CDK8: variants seen among roughly 807,000 people sequenced by gnomAD.
CDK8 encodes cyclin-dependent kinase 8.
CDK8 carries 29 observed loss-of-function variants against 71.5 expected under a neutral mutation model. The ratio of observed to expected loss-of-function variants is 0.41; its 90% CI spans 0.30 to 0.55. The LOEUF is 0.55. Ranked by LOEUF, CDK8 falls within the 20% of genes least tolerant of loss-of-function variation. The probability of loss-of-function intolerance (pLI) is 0.37; values close to 1 mark genes in which losing one functional copy is unlikely to be tolerated. For synonymous variants in CDK8, 161 were observed against 192.1 expected (o/e 0.84, Z 1.34); for missense variants, 288 against 572.6 (o/e 0.50, Z 5.07).
At chr13:26,340,756 C>G (rs1873206150) in intron 2 of CDK8, among the ~76,000 whole-genome samples, 3 of 152,106 alleles carry the variant, frequency 2.0e-5, no homozygotes, top group Non-Finnish European at 4.4e-5. Flanking sequence ...TGCCTGGTTA[C>G]TTACTTTGTT....
At chr13:26,315,816 G>C (rs1874483604) in intron 1 of CDK8, among the ~76,000 whole-genome samples, 1 of 152,172 alleles carries the variant, frequency 6.6e-6, no homozygotes, top group Admixed American at 6.5e-5. Flanking sequence ...GGACAATCAG[G>C]ATTCTGGGAA....
At chr13:26,361,784 CTTTTTTTTTTTTTT>C (rs553508554) in intron 4 of CDK8, among the ~76,000 whole-genome samples, 5 of 63,304 alleles carry the variant, frequency 7.9e-5, no homozygotes, top group Non-Finnish European at 1.1e-4. Context: ...TTTCTTTTCC[CTTTTTTTTTTTTTT>C]TTTTTTTTTT....
At chr13:26,346,014 A>C (rs1367176724) in intron 2 of CDK8, among the ~76,000 whole-genome samples, 1 of 152,196 alleles carries the variant, frequency 6.6e-6, no homozygotes, top group Non-Finnish European at 1.5e-5. Flanking sequence ...TCCAGACATA[A>C]TCCATTCCTC....
chr13:26,320,219 G>A (rs1435068090), intron 1 of CDK8, among the ~76,000 whole-genome samples: 2 of 151,682 alleles, frequency 1.3e-5, no homozygotes, highest in Admixed American at 1.3e-4. Context: ...GGGCAAAATG[G>A]CGAGACCTTG....
chr13:26,375,925 G>A (rs1874924693), intron 4 of CDK8, among the ~76,000 whole-genome samples: 1 of 152,154 alleles, frequency 6.6e-6, no homozygotes, highest in African/African-American at 2.4e-5. Context: ...GGGGATGGGC[G>A]AGGAGCATAA....
At chr13:26,276,625 A>G (rs1872573299) in intron 1 of CDK8, among the ~76,000 whole-genome samples, 1 of 152,132 alleles carries the variant, frequency 6.6e-6, no homozygotes, top group Non-Finnish European at 1.5e-5. Flanking sequence ...GTGCCCAATT[A>G]TCCTGATTTA....
At chr13:26,354,784 G>A (rs142225289) in intron 4 of CDK8, among the ~76,000 whole-genome samples, 47 of 152,240 alleles carry the variant, frequency 3.1e-4, no homozygotes, top group Non-Finnish European at 8.8e-5. Context: ...ACTGGTCCCT[G>A]ATGCCAAAAA....
chr13:26,303,578 T>C (rs1873912879), intron 1 of CDK8, among the ~76,000 whole-genome samples: 1 of 152,194 alleles, frequency 6.6e-6, no homozygotes, highest in African/African-American at 2.4e-5. Context: ...ATACATTTCT[T>C]AATTTCCCTT....
rs191263591 is a variant in CDK8 at position 26,322,767 on chromosome 13, A to G, written c.129-14800A>G. On this transcript the variant is annotated intron_variant, in intron 1 of 12. Coordinates refer to ENST00000381527, the MANE Select transcript of CDK8 (RefSeq NM_001260.3). ...CTTCCCTCCAGTCTTGATCCCTTCC[A>G]ATGTGTACTGCTTGTTGCATGGTTT... Among the ~76,000 whole-genome samples the G allele has an allele frequency of 6.5e-3, 996 of 152,210 alleles. 16 individuals carry two copies. Among genetic ancestry groups the G allele is most frequent in the African/African-American group, 0.023 (946 of 41,532 alleles).
intron 1 of CDK8, among the ~76,000 whole-genome samples, chr13:26,285,344 T>C (rs567151585): frequency 3.9e-4 from 59 of 152,312 alleles, no homozygotes; most frequent in African/African-American, 1.3e-3. Flanking sequence ...GATGTAGTGA[T>C]GAATTAACAC....
chr13:26,379,270 A>C (rs192708839), intron 4 of CDK8, among the ~76,000 whole-genome samples: 1 of 152,312 alleles, frequency 6.6e-6, no homozygotes, highest in African/African-American at 2.4e-5. Context: ...TGTTGGGATA[A>C]AAGTGAGATG....
At chr13:26,396,083 CAG>C (rs1458975493) in intron 7 of CDK8, 200 bp from the exon 8 acceptor site, 25 of 274,610 alleles carry the variant, frequency 9.1e-5, no homozygotes, top group East Asian at 2.4e-4. Flanking sequence ...AAAATATAAA[CAG>C]ATATATAAAG....
chr13:26,384,521 A>G (rs1315216074), intron 5 of CDK8, among the ~76,000 whole-genome samples: 1 of 152,112 alleles, frequency 6.6e-6, no homozygotes, highest in Admixed American at 6.5e-5. Flanking sequence ...TGCCCGAATA[A>G]CTACACTACA....
intron 1 of CDK8, among the ~76,000 whole-genome samples, chr13:26,277,973 C>G (rs1392509103): frequency 6.6e-6 from 1 of 152,180 alleles, no homozygotes; most frequent in Non-Finnish European, 1.5e-5. Context: ...AAGTGTAGAA[C>G]TGTGACCAAT....
intron 1 of CDK8, among the ~76,000 whole-genome samples, chr13:26,297,858 A>C (rs923310968): frequency 6.6e-6 from 1 of 152,170 alleles, no homozygotes; most frequent in African/African-American, 2.4e-5. Flanking sequence ...TTGAAAGCTG[A>C]AAGAGATCAG....
chr13:26,402,750 A>C (rs1293615585), intron 12 of CDK8, among the ~76,000 whole-genome samples: 1 of 152,214 alleles, frequency 6.6e-6, no homozygotes, highest in Non-Finnish European at 1.5e-5. Flanking sequence ...ATGTGTTTGC[A>C]CACTAAGGTG....
chr13:26,368,732 G>T (rs1396579244), intron 4 of CDK8, among the ~76,000 whole-genome samples: 1 of 152,086 alleles, frequency 6.6e-6, no homozygotes, highest in African/African-American at 2.4e-5. Flanking sequence ...ATTTACTTTG[G>T]GGTTTTAGTT....
At chr13:26,350,981 A>G (rs1873657947) in intron 3 of CDK8, among the ~76,000 whole-genome samples, 1 of 152,076 alleles carries the variant, frequency 6.6e-6, no homozygotes, top group Non-Finnish European at 1.5e-5. Context: ...GTTACCTTGC[A>G]GATAAAACTT....
At chr13:26,346,288 G>A (rs951922780) in intron 2 of CDK8, among the ~76,000 whole-genome samples, 6 of 152,210 alleles carry the variant, frequency 3.9e-5, no homozygotes, top group African/African-American at 1.4e-4. Flanking sequence ...TGGGAGAAGA[G>A]CTTAATCAAA....
Sources: gnomAD v4.1 joint callset for allele counts (sites outside exome capture counted in the v4.1 genomes callset) on GRCh38, gnomAD v4.1.1 for gene constraint, MANE v1.5 for transcripts, NCBI Gene and HGNC (gene_info 2026-07-23, HGNC 2026-07-21) for gene names.